Variants in FAM83G observed in about 807,000 individuals in gnomAD.
FAM83G encodes protein FAM83G.
FAM83G carries 38 observed loss-of-function variants against 61.5 expected under a neutral mutation model. The ratio of observed to expected loss-of-function variants is 0.62; its 90% CI spans 0.48 to 0.81. The LOEUF (loss-of-function observed/expected upper bound fraction) is 0.81. Ranked by LOEUF, FAM83G falls within the 30% of genes least tolerant of loss-of-function variation. The pLI, the probability that FAM83G is intolerant of heterozygous loss-of-function variation, is 0.00. For missense variants in FAM83G, 989 were observed against 1,133.6 expected (o/e 0.87, Z 1.83); for synonymous variants, 470 against 476.1 (o/e 0.99, Z 0.17).
chr17:18,978,803 A>G lies in FAM83G; in HGVS notation c.863T>C (p.Leu288Pro). The change falls in exon 5 of 6, where the codon CTG becomes CCG. Residue 288 changes from leucine to proline, a missense_variant. Coordinates refer to ENST00000388995, the MANE Select transcript of FAM83G (RefSeq NM_001039999.3). ...AAACATCTCCACCACCTGGCCAGAC[A>G]GCACAGAGATCACATTCCGGTCCGT... The part of the protein sequence containing the change: ...ARTDRNVISV[L>P]SGQVVEMFDR... 6.2e-7 allele frequency: 1 copy of G among 1,612,956 alleles called. No homozygotes were observed. The highest frequency in any genetic ancestry group is 8.5e-7 in the Non-Finnish European group (1 of 1,179,996).
rs372021645 is a variant in FAM83G at position 18,977,846 on chromosome 17, C to T, written c.1820G>A (p.Arg607Gln). The T allele has an allele frequency of 1.1e-5, 17 of 1,610,836 alleles. No homozygotes were observed. The highest frequency in any genetic ancestry group is 6.7e-5 in the East Asian group (3 of 44,854). The change falls in exon 5 of 6, where the codon CGA becomes CAA. Residue 607 changes from arginine (R) to glutamine (Q), a missense_variant. Transcript: ENST00000388995. ...CACAGAGGAAGCCACTGAGGGCCGTCGGGGGCCAGGGCCACGGCCGGAGCT... is the reference window on the plus strand; with the variant it reads ...CACAGAGGAAGCCACTGAGGGCCGTTGGGGGCCAGGGCCACGGCCGGAGCT... ...SGSSGRGPGP[R>Q]RPSVASSVSE...
chr17:18,985,797 G>C (rs1386986543), intron 3 of FAM83G, among the ~76,000 whole-genome samples: 1 of 152,228 alleles, frequency 6.6e-6, no homozygotes, highest in East Asian at 1.9e-4. Flanking sequence ...GAGCAGGGCA[G>C]GCGGGGCCAG....
chr17:19,004,866 C>G (rs936726658), upstream of FAM83G: 1 of 151,682 alleles, frequency 6.6e-6, no homozygotes. The surrounding 1 kb of genome is among the most constrained non-coding windows in gnomAD (Gnocchi z 5.4). Flanking sequence ...GCTGATTCAC[C>G]CCTCGACAGA....
At chr17:18,981,556 C>CGCCATGCCATCCAGCCTCCT (rs1478812629) in intron 3 of FAM83G, among the ~76,000 whole-genome samples, 1 of 152,108 alleles carries the variant, frequency 6.6e-6, no homozygotes, top group East Asian at 1.9e-4. Context: ...CAGAGCTGCC[C>CGCCATGCCATCCAGCCTCCT]GCCATGCCAT....
At chr17:18,992,537 G>A (rs1275613893) in intron 2 of FAM83G, among the ~76,000 whole-genome samples, 1 of 152,228 alleles carries the variant, frequency 6.6e-6, no homozygotes, top group Non-Finnish European at 1.5e-5. Context: ...GTGGGACAGG[G>A]CTTTAGGTCA....
At position 18,978,868 on chromosome 17, in the gene FAM83G, G is replaced by T. The variant is rs369351431; in HGVS notation, c.816-18C>A. 9.3e-6 allele frequency: 15 copies of T among 1,609,400 alleles called. No homozygotes were observed. The African/African-American group carries it at 2.0e-4, about 21-fold the overall frequency. On this transcript the variant is annotated intron_variant, in intron 4 of 5. Transcript: ENST00000388995. ...ACGTGAAGCTGCAACAGAGGGAGGG[G>T]GCGCTGGTCAGGCACATGACCCTGC...
At position 18,977,950 on chromosome 17, in the gene FAM83G, G is replaced by A; in HGVS notation, c.1716C>T (p.Leu572=). 1.9e-6 allele frequency: 3 copies of A among 1,604,746 alleles called. No individual in the cohort carries two copies. The highest frequency in any genetic ancestry group is 1.1e-5 in the South Asian group (1 of 90,362). ...CTTCCACCCCATCCAGCCCATTGGG[G>A]AGCCCCACCCCGAGGCTCTCGGGGT... ...QDDPESLGVG[L]PNGLDGVEEE... is the part of the protein sequence containing the mutation. The change falls in exon 5 of 6, where the codon CTC becomes CTT. Residue 572 remains leucine (L), a synonymous_variant. Coordinates refer to ENST00000388995, the MANE Select transcript of FAM83G (RefSeq NM_001039999.3).
At chr17:18,977,027 G>A (rs1286582916) in intron 5 of FAM83G, 1 of 1,605,658 alleles carries the variant, frequency 6.2e-7, no homozygotes, top group South Asian at 1.1e-5. Flanking sequence ...AGGCTGCAGG[G>A]CACCCAGGGT....
upstream of FAM83G, among the ~76,000 whole-genome samples, chr17:19,005,334 C>A (rs1218760913): frequency 1.3e-5 from 2 of 152,210 alleles, no homozygotes; most frequent in Non-Finnish European, 2.9e-5. Flanking sequence ...CAGGGAGGGG[C>A]CAAGAGGGCC....
In FAM83G at chr17:18,977,652, G is replaced by T. The variant is rs377667225; in HGVS notation, c.2014C>A (p.Arg672=). 2.4e-4 allele frequency: 386 copies of T among 1,610,008 alleles called. No individual in the cohort carries two copies. Among genetic ancestry groups the T allele is most frequent in the Non-Finnish European group, 3.1e-4 (368 of 1,179,948 alleles). ...PQGGSPWAQS[R]GREEADALKR... ...AACGCATCTGCTTCTTCTCTTCCCC[G>T]ACTCTGGGCCCATGGGGAGCCACCC... The change falls in exon 5 of 6, where the codon CGG becomes AGG. Residue 672 remains arginine, a synonymous_variant. Coordinates refer to ENST00000388995, the MANE Select transcript of FAM83G (RefSeq NM_001039999.3).
rs1308290739 is a variant in FAM83G, at chr17:18,970,017, TTCCAGAC to T, written c.*1335_*1341del. On this transcript the variant is annotated 3_prime_UTR_variant, in exon 6 of 6. Transcript: ENST00000388995. ...AGAGTGAACAAATCTCTAAAGACTCTTCCAGACTCAGACACTGGGACCCTGTGGCTGA... is the reference window on the plus strand; with the variant it reads ...AGAGTGAACAAATCTCTAAAGACTCTTCAGACACTGGGACCCTGTGGCTGA... 6.6e-6 allele frequency: 1 copy of T among 152,442 alleles called. No individual in the cohort carries two copies. Among genetic ancestry groups the T allele is most frequent in the East Asian group, 1.9e-4 (1 of 5,190 alleles). The allele number at this position is 152,442 out of a possible 1,614,324, so 9.4% of individuals were successfully genotyped here.
chr17:18,972,690 G>A (rs1458003631), intron 5 of FAM83G, among the ~76,000 whole-genome samples: 10 of 151,988 alleles, frequency 6.6e-5, no homozygotes, highest in African/African-American at 2.4e-4. Flanking sequence ...GTGAAACCCC[G>A]TCTCTACTAA....
intron 2 of FAM83G, among the ~76,000 whole-genome samples, chr17:18,989,648 C>T (rs535360849): frequency 1.3e-5 from 2 of 152,258 alleles, no homozygotes; most frequent in East Asian, 1.9e-4. Context: ...AAGAGCCCGA[C>T]GGGGGGCTGG....
chr17:18,993,108 G>A (rs1450370241), intron 2 of FAM83G, among the ~76,000 whole-genome samples: 1 of 152,148 alleles, frequency 6.6e-6, no homozygotes, highest in African/African-American at 2.4e-5. Flanking sequence ...GGAAACCACG[G>A]GTGCACAGGC....
At position 18,976,186 on chromosome 17, in the gene FAM83G, T is replaced by TGAAAAAAAAAAAAAA. The variant is rs1597843723; in HGVS notation, c.2082+1397_2082+1398insTTTTTTTTTTTTTTC. On this transcript the variant is annotated intron_variant, in intron 5 of 5. Transcript: ENST00000388995. ...CTGGGCGACAGAGCAAGACTCCGAC[T>TGAAAAAAAAAAAAAA]CAAAAAAAAAGTAACTCTTTTGAAG... 12 of 30,334 alleles carry TGAAAAAAAAAAAAAA rather than the reference T, an allele frequency of 4.0e-4. 1 individual carries two copies. The highest frequency in any genetic ancestry group is 1.5e-3 in the African/African-American group (12 of 7,866). The allele number at this position is 30,334 out of a possible 1,614,324, so 1.9% of individuals were successfully genotyped here.
Position 18,971,705 on chromosome 17 carries a change from C to T in FAM83G, c.2126G>A (p.Arg709Lys). The T allele has an allele frequency of 1.7e-5, 28 of 1,601,454 alleles. No homozygotes were observed. The highest frequency in any genetic ancestry group is 2.4e-5 in the Non-Finnish European group (28 of 1,171,926). ...HHHRVPASGT[R>K]DKDGFPGPPR... ...GGGTCCTGGGAAGCCGTCTTTATCC[C>T]TAGTCCCTGAGGCAGGGACCCTGTG... Residue 709 changes from arginine to lysine, a missense_variant, in exon 6 of 6, where the codon AGG becomes AAG. Transcript: ENST00000388995. The surrounding 1 kb of genome is among the most constrained non-coding windows in gnomAD (Gnocchi z 5.5).
At chr17:18,994,070 G>A (rs534816315) in intron 2 of FAM83G, among the ~76,000 whole-genome samples, 5 of 152,192 alleles carry the variant, frequency 3.3e-5, no homozygotes, top group Non-Finnish European at 7.3e-5. Context: ...TGTAAGTGAC[G>A]CATCAGGGCT....
Position 18,978,544 on chromosome 17 carries a change from C to G in FAM83G, c.1122G>C (p.Leu374=), listed in dbSNP as rs766603981. 9.9e-6 allele frequency: 16 copies of G among 1,613,202 alleles called. No individual in the cohort carries two copies. The highest frequency in any genetic ancestry group is 5.5e-5 in the South Asian group (5 of 91,082). ...SSEKQEAKKP[L]GLKGPALAEH... The stretch of plus-strand genomic sequence containing the variant: ...CAGCCAGCGCTGGGCCTTTCAGCCC[C>G]AGGGGCTTCTTGGCCTCCTGCTTCT... Residue 374 remains leucine, a synonymous_variant, in exon 5 of 6, where the codon CTG becomes CTC. Transcript: ENST00000388995.
chr17:19,001,577 C>T (rs545404269), intron 2 of FAM83G, among the ~76,000 whole-genome samples: 1 of 152,356 alleles, frequency 6.6e-6, no homozygotes, highest in East Asian at 1.9e-4. Flanking sequence ...TCACCTTAGA[C>T]AGGTGACAGC....
Sources: allele counts gnomAD v4.1 joint callset (sites outside exome capture counted in the v4.1 genomes callset), GRCh38; gene constraint gnomAD v4.1.1; non-coding constraint Gnocchi (gnomAD v3.1); transcripts MANE v1.5; gene names NCBI Gene and HGNC (gene_info 2026-07-23, HGNC 2026-07-21).